PPP1R12C: variants seen among roughly 807,000 people sequenced by gnomAD.
The protein encoded by PPP1R12C is protein phosphatase 1 regulatory subunit 12C, also known as leukocyte receptor cluster (LRC) encoded novel gene 3.
In PPP1R12C, 48 loss-of-function variants were observed where a neutral mutation model predicts 95.6. The observed-to-expected ratio is 0.50, with a 90% confidence interval of 0.40 to 0.64. The LOEUF (loss-of-function observed/expected upper bound fraction) is 0.64, where lower values mean the gene tolerates loss of function less well. Ranked by LOEUF, PPP1R12C falls within the 30% of genes least tolerant of loss-of-function variation. The probability of loss-of-function intolerance (pLI) is 0.00; values close to 1 mark genes in which losing one functional copy is unlikely to be tolerated. For synonymous variants in PPP1R12C, 480 were observed against 460.8 expected, an observed-to-expected ratio of 1.04 and a Z score of -0.53; for missense variants, 1,057 against 1,083.3, an observed-to-expected ratio of 0.98 and a Z score of 0.34.
rs7259963 is a variant in PPP1R12C, at chr19:55,103,392, A to G, written c.731+17T>C. 0.15 allele frequency: 213,529 copies of G among 1,458,818 alleles called. 16,462 individuals are homozygous for G. The highest frequency in any genetic ancestry group is 0.26 in the East Asian group (10,216 of 39,314). 90.4% of individuals were successfully genotyped at this position (1,458,818 alleles called of 1,614,324 possible). A position where few individuals can be genotyped will look rare whatever the true frequency, so the allele number is the denominator to read the frequency against. On this transcript the variant is annotated intron_variant, in intron 4 of 21. Coordinates refer to ENST00000263433, the MANE Select transcript of PPP1R12C (RefSeq NM_017607.4). ...AAGGTATAAGACAGCAAGATGGAAC[A>G]GACTGGCCCAACTCACCTCATCACC...
chr19:55,107,068 G>A (rs2085046061), intron 3 of PPP1R12C, among the ~76,000 whole-genome samples: 1 of 151,884 alleles, frequency 6.6e-6, no homozygotes, highest in Non-Finnish European at 1.5e-5. Flanking sequence ...ATCAAGCTAT[G>A]CCTAGAGCCC....
rs967419567 is a variant in PPP1R12C, at chr19:55,099,077, G to A, written c.750C>T (p.Gly250=). The A allele has an allele frequency of 6.5e-7, 1 of 1,548,588 alleles. No homozygotes were observed. Among genetic ancestry groups the A allele is most frequent in the Non-Finnish European group, 8.7e-7 (1 of 1,145,314 alleles). The change falls in exon 5 of 22, where the codon GGC becomes GGT. Residue 250 remains glycine (G), a synonymous_variant. Transcript: ENST00000263433. The stretch of plus-strand genomic sequence containing the variant: ...CCCCGTCCCGGAGCTCTGGGTCGTA[G>A]CCAGCCTGAAGGAGCAACCTGGGGG... ...IEVMRLLLQA[G]YDPELRDGDG...
intron 3 of PPP1R12C, among the ~76,000 whole-genome samples, chr19:55,110,595 G>C (rs58675613): frequency 6.6e-6 from 1 of 152,202 alleles, no homozygotes; most frequent in Non-Finnish European, 1.5e-5. Flanking sequence ...CACAGTCTCA[G>C]AATGGCCGGG....
At chr19:55,097,483 G>T (rs1200006988) in intron 6 of PPP1R12C, among the ~76,000 whole-genome samples, 2 of 108,466 alleles carry the variant, frequency 1.8e-5, no homozygotes, top group East Asian at 2.7e-4. Flanking sequence ...CACCTTCCCC[G>T]CGCAGTTCAC....
At position 55,095,900 on chromosome 19, in the gene PPP1R12C, G is replaced by A. The variant is rs1366901454; in HGVS notation, c.1194C>T (p.Ser398=). ...PAEPRTLNGV[S]SPPHPSPKSP... Reference sequence around the variant, plus strand: ...TCTTAGGGCTGGGGTGCGGCGGGGAGGAGACGCCATTGAGGGTTCTGGGTT... The same window carrying A: ...TCTTAGGGCTGGGGTGCGGCGGGGAAGAGACGCCATTGAGGGTTCTGGGTT... The change falls in exon 9 of 22, where the codon TCC becomes TCT. Residue 398 remains serine, a synonymous_variant. Transcript: ENST00000263433. The A allele has an allele frequency of 6.2e-7, 1 of 1,613,442 alleles. No homozygotes were observed. Among genetic ancestry groups the A allele is most frequent in the East Asian group, 2.2e-5 (1 of 44,862 alleles).
At chr19:55,101,713 TAG>T (rs924212126) in intron 4 of PPP1R12C, among the ~76,000 whole-genome samples, 32 of 152,234 alleles carry the variant, frequency 2.1e-4, no homozygotes, top group African/African-American at 7.0e-4. Context: ...CCCAACCATT[TAG>T]AGTTTCCAGT....
rs1312281073 is a variant in PPP1R12C at position 55,108,623 on chromosome 19, CCTT to C, written c.571+3841_571+3843del. On this transcript the variant is annotated intron_variant, in intron 3 of 21. Coordinates refer to ENST00000263433, the MANE Select transcript of PPP1R12C (RefSeq NM_017607.4). Reference sequence around the variant, plus strand: ...AGACGTGGAATCAGACAGTAATTGTCCTTCTGTGACTGGCTTATTTTCACTTTT... The same window carrying C: ...AGACGTGGAATCAGACAGTAATTGTCCTGTGACTGGCTTATTTTCACTTTT... Among the ~76,000 whole-genome samples the C allele has an allele frequency of 4.6e-5, 7 of 152,346 alleles. No individual in the cohort carries two copies. The East Asian group carries it at 1.4e-3, about 29-fold the overall frequency.
Position 55,101,687 on chromosome 19 carries a change from T to C in PPP1R12C, c.731+1722A>G, listed in dbSNP as rs113818198. On this transcript the variant is annotated intron_variant, in intron 4 of 21. Transcript: ENST00000263433. ...AGGAAAAGGACACGGCCTCCAGGCCTGGGCACATCACTAGGCCCAACCATT... is the reference window on the plus strand; with the variant it reads ...AGGAAAAGGACACGGCCTCCAGGCCCGGGCACATCACTAGGCCCAACCATT... 3.2e-3 allele frequency among the ~76,000 whole-genome samples: 491 copies of C among 152,330 alleles called. 3 individuals are homozygous for C. The highest frequency in any genetic ancestry group is 0.011 in the African/African-American group (476 of 41,576).
chr19:55,108,387 A>G (rs679807), intron 3 of PPP1R12C, among the ~76,000 whole-genome samples: 152,211 of 152,212 alleles, frequency 1, 76,105 homozygotes, highest in Middle Eastern at 1. Context: ...CCAGCACTTT[A>G]GGAGGCCAAG....
intron 11 of PPP1R12C, 38 bp from the exon 12 acceptor site, chr19:55,094,836 T>G: frequency 1.9e-6 from 3 of 1,557,506 alleles, no homozygotes; most frequent in Non-Finnish European, 2.6e-6. Flanking sequence ...ATTACCCAGG[T>G]GCATTGTGTG....
rs1374809242 is a variant in PPP1R12C at position 55,090,948 on chromosome 19, C to T, written c.*524G>A. The stretch of plus-strand genomic sequence containing the variant: ...ACTTCACGACTTTTATTTGTGGTGC[C>T]TGTGCTTTATCTCGAAAATACCTTC... On this transcript the variant is annotated 3_prime_UTR_variant, in exon 22 of 22. Transcript: ENST00000263433. The T allele has an allele frequency of 6.5e-6, 1 of 154,822 alleles. No individual in the cohort carries two copies. Among genetic ancestry groups the T allele is most frequent in the Non-Finnish European group, 1.4e-5 (1 of 69,606 alleles). 9.6% of individuals were successfully genotyped at this position (154,822 alleles called of 1,614,324 possible).
At chr19:55,098,204 C>T (rs1363693348) in intron 6 of PPP1R12C, among the ~76,000 whole-genome samples, 3 of 152,206 alleles carry the variant, frequency 2.0e-5, no homozygotes, top group Non-Finnish European at 2.9e-5. Context: ...GCACAATCCA[C>T]GTGTCACGCA....
Position 55,110,349 on chromosome 19 carries a change from T to C in PPP1R12C, c.571+2118A>G, listed in dbSNP as rs576492365. Among the ~76,000 whole-genome samples the C allele has an allele frequency of 7.0e-3, 1,002 of 142,952 alleles. 2 individuals are homozygous for C. The highest frequency in any genetic ancestry group is 0.027 in the African/African-American group (949 of 35,474). The allele number at this position is 142,952 out of a possible 152,430, so 93.8% of individuals were successfully genotyped here. A position where few individuals can be genotyped will look rare whatever the true frequency, so the allele number is the denominator to read the frequency against. On this transcript the variant is annotated intron_variant, in intron 3 of 21. Transcript: ENST00000263433. ...GGTGGGTGAGAGTGTAGCATCAAGGTTGGTGCGGTGGGTGAGAGTGTAGCA... is the reference window on the plus strand; with the variant it reads ...GGTGGGTGAGAGTGTAGCATCAAGGCTGGTGCGGTGGGTGAGAGTGTAGCA...
At position 55,117,507 on chromosome 19, in the gene PPP1R12C, C is replaced by CCGA; in HGVS notation, c.36_37insTCG (p.Gly12_Ala13insSer). ...CGCTCCCGGGCAGCCGCCGCCGCCG[C>CCGA]CCCCGGGCCAGCCGCCGGGCCATCC... On this transcript the variant is annotated inframe_insertion, in exon 1 of 22. Transcript: ENST00000263433. The CCGA allele has an allele frequency of 9.7e-7, 1 of 1,026,866 alleles. No homozygotes were observed. The highest frequency in any genetic ancestry group is 1.2e-6 in the Non-Finnish European group (1 of 857,260). The allele number at this position is 1,026,866 out of a possible 1,614,324, so 63.6% of individuals were successfully genotyped here.
Position 55,092,830 on chromosome 19 carries a change from C to T in PPP1R12C, c.1864G>A (p.Ala622Thr), listed in dbSNP as rs867747001. The change falls in exon 16 of 22, where the codon GCC becomes ACC. Residue 622 changes from alanine to threonine, a missense_variant. Coordinates refer to ENST00000263433, the MANE Select transcript of PPP1R12C (RefSeq NM_017607.4). Reference sequence around the variant, plus strand: ...TTTCCGACCTTGCGGTGCTCCCTGGCCGCCTGCGGTCCCGGACCCTGCCCG... The same window carrying T: ...TTTCCGACCTTGCGGTGCTCCCTGGTCGCCTGCGGTCCCGGACCCTGCCCG... ...PDGQGPGPQA[A>T]REHRKVGKEW... The T allele has an allele frequency of 1.3e-6, 2 of 1,567,536 alleles. No homozygotes were observed. The highest frequency in any genetic ancestry group is 1.7e-6 in the Non-Finnish European group (2 of 1,156,558).
chr19:55,101,800 TCCAGGGG>T (rs1450391610), intron 4 of PPP1R12C, among the ~76,000 whole-genome samples: 6 of 151,952 alleles, frequency 3.9e-5, no homozygotes, highest in Admixed American at 1.3e-4. Context: ...GACACTGAGG[TCCAGGGG>T]CTCTGCTTCA....
chr19:55,113,609 A>C, intron 1 of PPP1R12C: 2 of 1,284,236 alleles, frequency 1.6e-6, no homozygotes, highest in Non-Finnish European at 2.0e-6. Context: ...ACTGGAGCTG[A>C]GGAAGGAGTG....
intron 3 of PPP1R12C, 178 bp downstream of exon 3, chr19:55,112,289 A>T (rs941418500): frequency 1.6e-5 from 9 of 553,648 alleles, no homozygotes; most frequent in Non-Finnish European, 2.5e-5. Context: ...GGCTCCAAGC[A>T]ATCCTGGAGG....
At chr19:55,098,422 A>C (rs2084946121) in intron 6 of PPP1R12C, among the ~76,000 whole-genome samples, 1 of 152,160 alleles carries the variant, frequency 6.6e-6, no homozygotes, top group South Asian at 2.1e-4. Context: ...GCTGGGGGAC[A>C]CCTTGTGGGT....
Sources: allele counts gnomAD v4.1 joint callset (sites outside exome capture counted in the v4.1 genomes callset), GRCh38; gene constraint gnomAD v4.1.1; transcripts MANE v1.5; gene names NCBI Gene and HGNC (gene_info 2026-07-23, HGNC 2026-07-21).